Variants in JADE2 observed in about 807,000 individuals in gnomAD.
The protein encoded by JADE2 is E3 ubiquitin-protein ligase Jade-2.
A neutral mutation model predicts 85.7 loss-of-function variants in JADE2; 13 were observed. The ratio of observed to expected loss-of-function variants is 0.15; its 90% confidence interval spans 0.10 to 0.24. The LOEUF (loss-of-function observed/expected upper bound fraction) is 0.24. Among genes scored for constraint, JADE2 ranks in the 10% least tolerant of loss-of-function variants. JADE2 has a pLI of 1.00. For synonymous variants in JADE2, 440 were observed against 456.1 expected, an observed-to-expected ratio of 0.96 and a Z score of 0.45; for missense variants, 846 against 1,115.9, an observed-to-expected ratio of 0.76 and a Z score of 3.45.
At chr5:134,557,277 T>A (rs79503736) in intron 4 of JADE2, among the ~76,000 whole-genome samples, 32,014 of 89,288 alleles carry the variant, frequency 0.36, 4,484 homozygotes, top group Non-Finnish European at 0.48. Flanking sequence ...TATTTTTTTT[T>A]TTATTTTTTT....
chr5:134,525,007 C>T (rs1760714501), upstream of JADE2, among the ~76,000 whole-genome samples: 1 of 152,194 alleles, frequency 6.6e-6, no homozygotes, highest in Non-Finnish European at 1.5e-5. Flanking sequence ...GCTGGAGCCC[C>T]GGGGGGCGGG....
intron 5 of JADE2, among the ~76,000 whole-genome samples, 183 bp downstream of exon 5, chr5:134,560,173 C>T (rs1763240134): frequency 6.6e-6 from 1 of 152,164 alleles, no homozygotes. Context: ...GAAGTTTCTG[C>T]AGCTATCAGG....
rs978168808 is a variant in JADE2, at chr5:134,525,812, C to G, written c.-200C>G. ...ACCGGCTTAGGTCCTGCGGGCCGAC[C>G]GTCCCCGGCGGGGGGCGTGGGGCCT... On this transcript the variant is annotated 5_prime_UTR_variant, in exon 1 of 12. Coordinates refer to ENST00000681547, the MANE Select transcript of JADE2 (RefSeq NM_001388185.1). 1.1e-5 allele frequency: 11 copies of G among 1,012,218 alleles called. No homozygotes were observed. Among genetic ancestry groups the G allele is most frequent in the African/African-American group, 7.0e-5 (4 of 57,326 alleles). The allele number at this position is 1,012,218 out of a possible 1,614,324, so 62.7% of individuals were successfully genotyped here. A position where few individuals can be genotyped will look rare whatever the true frequency, so the allele number is the denominator to read the frequency against.
intron 9 of JADE2, among the ~76,000 whole-genome samples, chr5:134,569,410 A>T (rs1166688336): frequency 6.6e-6 from 1 of 152,214 alleles, no homozygotes; most frequent in Non-Finnish European, 1.5e-5. Flanking sequence ...GGTCAACCAG[A>T]TGTGCTTTCC....
Position 134,566,360 on chromosome 5 carries a change from A to C in JADE2, c.1214A>C (p.Tyr405Ser). 6.2e-7 allele frequency: 1 copy of C among 1,613,950 alleles called. No individual in the cohort carries two copies. The highest frequency in any genetic ancestry group is 8.5e-7 in the Non-Finnish European group (1 of 1,179,976). ...QRLQQLEEDF[Y>S]ELVEPAEVAE... ...CTGCAGCAGCTAGAGGAGGACTTCT[A>C]CGAGCTGGTGGAGCCGGCTGAGGTG... is the stretch of plus-strand genomic sequence containing the variant. The change falls in exon 9 of 12, where the codon TAC (tyrosine) becomes TCC (serine). Residue 405 changes from tyrosine to serine, a missense_variant. This residue lies in a region of JADE2 where 88 missense variants were observed against 140.6 expected (regional missense o/e 0.63). Coordinates refer to ENST00000681547, the MANE Select transcript of JADE2 (RefSeq NM_001388185.1). This position sits in a 1 kb window ranked among gnomAD's most constrained non-coding sequence, Gnocchi z 6.7.
At chr5:134,537,384 G>A (rs1347282342) in intron 2 of JADE2, among the ~76,000 whole-genome samples, 2 of 152,226 alleles carry the variant, frequency 1.3e-5, no homozygotes, top group African/African-American at 2.4e-5. Context: ...GGACTGTGCT[G>A]AGACTTTACA....
chr5:134,553,883 T>A (rs1762755131), intron 4 of JADE2, among the ~76,000 whole-genome samples: 1 of 152,172 alleles, frequency 6.6e-6, no homozygotes, highest in African/African-American at 2.4e-5. Context: ...TGGCCCTGGG[T>A]CTTGCCTCCA....
rs914155921 is a variant in JADE2, at chr5:134,582,451, C to G, written c.*3134C>G. On this transcript the variant is annotated 3_prime_UTR_variant, in exon 12 of 12. Transcript: ENST00000681547. The stretch of plus-strand genomic sequence containing the variant: ...ATGGGCACACTGGGACTAGCTGGGA[C>G]AATTCCTAGAGATTCAACTGCCCAA... 69 of 152,152 alleles carry G rather than the reference C, an allele frequency of 4.5e-4. No homozygotes were observed. The highest frequency in any genetic ancestry group is 1.5e-3 in the African/African-American group (61 of 41,424). 9.4% of individuals were successfully genotyped at this position (152,152 alleles called of 1,614,324 possible).
Position 134,581,590 on chromosome 5 carries a change from T to C in JADE2, c.*2273T>C, listed in dbSNP as rs780494586. On this transcript the variant is annotated 3_prime_UTR_variant, in exon 12 of 12. Transcript: ENST00000681547. ...AGAATTAGGGAGAGGGTGCAACGAG[T>C]CTGGCCCCTTGCCTCGGGCTGGCTG... The C allele has an allele frequency of 1.8e-4, 28 of 152,408 alleles. No homozygotes were observed. Among genetic ancestry groups the C allele is most frequent in the Non-Finnish European group, 3.2e-4 (22 of 68,340 alleles). 9.4% of individuals were successfully genotyped at this position (152,408 alleles called of 1,614,324 possible).
intron 4 of JADE2, among the ~76,000 whole-genome samples, chr5:134,556,734 A>G (rs1762956714): frequency 7.7e-6 from 1 of 129,494 alleles, no homozygotes; most frequent in African/African-American, 3.0e-5. Context: ...ACATCACACA[A>G]AACACACCCC....
chr5:134,577,759 G>A (rs1002407254), intron 11 of JADE2, among the ~76,000 whole-genome samples: 2 of 152,210 alleles, frequency 1.3e-5, no homozygotes, highest in South Asian at 2.1e-4. Context: ...CCAGTCTCCC[G>A]TCTCGCCAGC....
intron 3 of JADE2, among the ~76,000 whole-genome samples, chr5:134,549,490 G>A (rs542067704): frequency 5.7e-4 from 86 of 152,164 alleles, no homozygotes; most frequent in Non-Finnish European, 9.6e-4. Flanking sequence ...GTGAAACCCC[G>A]TATTAAAAAT....
chr5:134,577,331 A>G (rs1447076584), intron 11 of JADE2, among the ~76,000 whole-genome samples: 2 of 152,208 alleles, frequency 1.3e-5, no homozygotes, highest in Non-Finnish European at 2.9e-5. Context: ...AGCTGCCCAG[A>G]GGAGTGGCTG....
chr5:134,529,413 G>C (rs1761083225), intron 1 of JADE2, among the ~76,000 whole-genome samples: 1 of 152,134 alleles, frequency 6.6e-6, no homozygotes, highest in South Asian at 2.1e-4. Context: ...CTGGAGATGG[G>C]GTACACCTTC....
chr5:134,533,666 C>A, intron 1 of JADE2: 1 of 697,520 alleles, frequency 1.4e-6, no homozygotes, highest in Non-Finnish European at 1.8e-6. Context: ...CTGGGCTGGG[C>A]TGAGCTGAGG....
chr5:134,552,842 T>C (rs1252908669), intron 4 of JADE2, among the ~76,000 whole-genome samples: 5 of 151,800 alleles, frequency 3.3e-5, no homozygotes, highest in African/African-American at 1.2e-4. Flanking sequence ...CTAGCTAATC[T>C]TCATGTTTTG....
chr5:134,524,859 C>T (rs1044583063), upstream of JADE2, among the ~76,000 whole-genome samples: 4 of 152,246 alleles, frequency 2.6e-5, no homozygotes, highest in African/African-American at 4.8e-5. Flanking sequence ...CTCCCCAAGA[C>T]TCGCGTTCGC....
At chr5:134,535,707 G>C in intron 1 of JADE2, 151 bp from the exon 2 acceptor site, 2 of 654,002 alleles carry the variant, frequency 3.1e-6, no homozygotes, top group Non-Finnish European at 5.4e-6. Context: ...GGAGAGGGTG[G>C]TGCTGGCAGA....
At chr5:134,577,002 A>G in intron 11 of JADE2, 106 bp downstream of exon 11, 1 of 1,335,128 alleles carries the variant, frequency 7.5e-7, no homozygotes, top group Non-Finnish European at 1.0e-6. Context: ...TAGGAGACTG[A>G]GGCTCAAGAG....
Sources: gnomAD v4.1 joint callset for allele counts (sites outside exome capture counted in the v4.1 genomes callset) on GRCh38, gnomAD v4.1.1 for gene constraint, gnomAD v4.1.1 regional missense constraint, Gnocchi (gnomAD v3.1) non-coding constraint, MANE v1.5 for transcripts, NCBI Gene and HGNC (gene_info 2026-07-23, HGNC 2026-07-21) for gene names.